ARHGEF6: variants seen among roughly 807,000 people sequenced by gnomAD.
ARHGEF6 encodes the protein rho guanine nucleotide exchange factor 6.
A neutral mutation model predicts 70.3 loss-of-function variants in ARHGEF6; 9 were observed. The observed-to-expected ratio is 0.13, with a 90% CI of 0.08 to 0.22. The LOEUF (loss-of-function observed/expected upper bound fraction) is 0.22, where lower values mean the gene tolerates loss of function less well. Ranked by LOEUF, ARHGEF6 falls within the 10% of genes least tolerant of loss-of-function variation. The probability of loss-of-function intolerance (pLI) is 1.00; values close to 1 mark genes in which losing one functional copy is unlikely to be tolerated. For missense variants in ARHGEF6, 470 were observed against 563.0 expected (o/e 0.83, Z 1.67); for synonymous variants, 201 against 207.8 (o/e 0.97, Z 0.28).
intron 2 of ARHGEF6, among the ~76,000 whole-genome samples, chrX:136,761,175 C>T (rs2077260253): frequency 8.9e-6 from 1 of 112,028 alleles, no homozygotes; most frequent in Non-Finnish European, 1.9e-5. Flanking sequence ...TAGTCCTGAG[C>T]TGTTATAAAG....
At chrX:136,669,456 G>A (rs1054048479) in intron 21 of ARHGEF6, 26 bp downstream of exon 21, 2 of 1,191,926 alleles carry the variant, frequency 1.7e-6, no homozygotes, top group Non-Finnish European at 2.3e-6. Context: ...TCTATTACCC[G>A]AGAAAATGAT....
chrX:136,695,358 A>C (rs902525382), intron 9 of ARHGEF6, among the ~76,000 whole-genome samples: 2 of 112,735 alleles, frequency 1.8e-5, no homozygotes, highest in Non-Finnish European at 3.7e-5. Flanking sequence ...AACACCGTTA[A>C]CTAAAATTAA....
intron 6 of ARHGEF6, among the ~76,000 whole-genome samples, chrX:136,725,871 C>T (rs1353153111): frequency 8.9e-6 from 1 of 112,168 alleles, no homozygotes; most frequent in East Asian, 2.8e-4. Flanking sequence ...GAGGCTTTTG[C>T]TACCACCATC....
chrX:136,666,267 A>C lies in ARHGEF6; in HGVS notation c.*1762T>G, dbSNP rs1403035338. 8.9e-6 allele frequency: 1 copy of C among 112,774 alleles called. No individual in the cohort carries two copies. Among genetic ancestry groups the C allele is most frequent in the Non-Finnish European group, 1.9e-5 (1 of 53,363 alleles). The allele number at this position is 112,774 out of a possible 1,213,427, so 9.3% of individuals were successfully genotyped here. A position where few individuals can be genotyped will look rare whatever the true frequency, so the allele number is the denominator to read the frequency against. On this transcript the variant is annotated 3_prime_UTR_variant, in exon 22 of 22. Coordinates refer to ENST00000250617, the MANE Select transcript of ARHGEF6 (RefSeq NM_004840.3). ...ATTTCTGCTGTGCAGCAAGCAGACA[A>C]CAGCCCTGTACCATGTAGCTATGGG...
chrX:136,709,871 CAGA>C (rs2076665829), intron 7 of ARHGEF6, among the ~76,000 whole-genome samples: 1 of 112,005 alleles, frequency 8.9e-6, no homozygotes. Flanking sequence ...GAGGCTGAGG[CAGA>C]AGAATTGCTT....
chrX:136,766,392 T>G lies in ARHGEF6; in HGVS notation c.249+13022A>C, dbSNP rs200104568. Reference sequence around the variant, plus strand: ...TTATCCTATTTTGTGAGGTTTTTTTTGGGGGGGGGTTATGCAAAGTTTTTA... The same window carrying G: ...TTATCCTATTTTGTGAGGTTTTTTTGGGGGGGGGGTTATGCAAAGTTTTTA... On this transcript the variant is annotated intron_variant, in intron 2 of 21. Coordinates refer to ENST00000250617, the MANE Select transcript of ARHGEF6 (RefSeq NM_004840.3). Among the ~76,000 whole-genome samples the G allele has an allele frequency of 9.9e-3, 1,025 of 103,833 alleles. 4 individuals are homozygous for G. Among genetic ancestry groups the G allele is most frequent in the African/African-American group, 0.018 (506 of 28,317 alleles). 90.2% of individuals were successfully genotyped at this position (103,833 alleles called of 115,157 possible).
intron 2 of ARHGEF6, among the ~76,000 whole-genome samples, chrX:136,763,458 T>C (rs959780752): frequency 6.2e-5 from 7 of 112,269 alleles, no homozygotes; most frequent in Non-Finnish European, 7.5e-5. Flanking sequence ...AGTCATTCTA[T>C]CAATCTTTCA....
chrX:136,743,307 A>G (rs1276957184), intron 5 of ARHGEF6, among the ~76,000 whole-genome samples: 3 of 112,347 alleles, frequency 2.7e-5, no homozygotes, highest in Non-Finnish European at 3.8e-5. Flanking sequence ...GGCTAGAATT[A>G]GTAGACATAA....
chrX:136,726,244 G>A (rs1414667260), intron 6 of ARHGEF6, among the ~76,000 whole-genome samples: 3 of 111,499 alleles, frequency 2.7e-5, no homozygotes, highest in African/African-American at 9.8e-5. Flanking sequence ...CGCCTGCAGT[G>A]ATTGATTCTG....
At chrX:136,709,442 A>G (rs2076661293) in intron 7 of ARHGEF6, among the ~76,000 whole-genome samples, 1 of 112,685 alleles carries the variant, frequency 8.9e-6, no homozygotes, top group Admixed American at 9.4e-5. Context: ...AGCATTTTAC[A>G]ATTAAAACCT....
chrX:136,693,014 T>C (rs927611232), intron 9 of ARHGEF6, among the ~76,000 whole-genome samples: 2 of 111,970 alleles, frequency 1.8e-5, no homozygotes. Context: ...ATAACTCGGG[T>C]TTGGAGTGCA....
intron 2 of ARHGEF6, among the ~76,000 whole-genome samples, chrX:136,751,755 T>C (rs2077153752): frequency 3.6e-5 from 4 of 111,697 alleles, no homozygotes. Flanking sequence ...ACTAAATATG[T>C]CTTGATCTTG....
intron 2 of ARHGEF6, among the ~76,000 whole-genome samples, chrX:136,763,622 C>G (rs922022545): frequency 1.8e-5 from 2 of 111,670 alleles, no homozygotes; most frequent in African/African-American, 6.5e-5. Flanking sequence ...GTCAGGAGTT[C>G]AAGACCAGCC....
intron 5 of ARHGEF6, among the ~76,000 whole-genome samples, chrX:136,734,594 A>G (rs1176549206): frequency 1.8e-5 from 2 of 111,997 alleles, no homozygotes; most frequent in Non-Finnish European, 3.8e-5. Context: ...ATCAATACTA[A>G]TTCCATATAA....
chrX:136,767,136 C>T, intron 2 of ARHGEF6: 1 of 755,323 alleles, frequency 1.3e-6, no homozygotes, highest in Non-Finnish European at 1.6e-6. Context: ...TGCCCCCAGG[C>T]AGGTCACCTG....
rs765154485 is a variant in ARHGEF6, at chrX:136,675,013, C to T, written c.2029G>A (p.Gly677Ser). 5 of 1,208,345 alleles carry T rather than the reference C, an allele frequency of 4.1e-6. No homozygotes were observed. The highest frequency in any genetic ancestry group is 1.8e-5 in the African/African-American group (1 of 57,139). Residue 677 changes from glycine (G) to serine (S), a missense_variant, in exon 19 of 22, where the codon GGC becomes AGC. By Grantham distance (56) the Gly-to-Ser change is moderately conservative. This residue lies in a region of ARHGEF6 where 88 missense variants were observed against 95.5 expected (regional missense o/e 0.92). Coordinates refer to ENST00000250617, the MANE Select transcript of ARHGEF6 (RefSeq NM_004840.3). ...CTSANFQQGH[G>S]SSTRKDSIPQ... The stretch of plus-strand genomic sequence containing the variant: ...GTAGTTTGGGGGAACCTACTTGAGC[C>T]ATGGCCTTGTTGAAAATTTGCGCTG...
At position 136,743,682 on chromosome X, in the gene ARHGEF6, G is replaced by A. The variant is rs1458824176; in HGVS notation, c.564C>T (p.Tyr188=). Residue 188 remains tyrosine, a synonymous_variant, in exon 5 of 22, where the codon TAC becomes TAT. Transcript: ENST00000250617. ...ELSVCKGDII[Y]VTRVEEGGWW... ...AGCCTCCTTCTTCAACTCGTGTGAC[G>A]TAAATGATGTCCCCCTTACAAACTG... 6.6e-6 allele frequency: 8 copies of A among 1,209,617 alleles called. No individual in the cohort carries two copies. Among genetic ancestry groups the A allele is most frequent in the South Asian group, 3.5e-5 (2 of 56,837 alleles).
In ARHGEF6 at chrX:136,701,375, C is replaced by T. The variant is rs187444993; in HGVS notation, c.1046+5533G>A. Among the ~76,000 whole-genome samples the T allele has an allele frequency of 9.9e-5, 11 of 111,478 alleles. No individual in the cohort carries two copies. In the East Asian group the frequency reaches 3.1e-3, roughly 31 times the overall value. ...GCAACGAGAAAATCTTGAAAGAAGC[C>T]AGACAGGGAAAAACACCTTACCTGT... is the stretch of plus-strand genomic sequence containing the variant. On this transcript the variant is annotated intron_variant, in intron 9 of 21. Coordinates refer to ENST00000250617, the MANE Select transcript of ARHGEF6 (RefSeq NM_004840.3).
intron 9 of ARHGEF6, among the ~76,000 whole-genome samples, chrX:136,701,936 T>G (rs767568762): frequency 5.4e-5 from 6 of 110,515 alleles, no homozygotes; most frequent in African/African-American, 1.6e-4. Context: ...CTCGATCTCC[T>G]GACCTCGTGA....
Sources: allele counts gnomAD v4.1 joint callset (sites outside exome capture counted in the v4.1 genomes callset), GRCh38; gene constraint gnomAD v4.1.1; regional missense constraint gnomAD v4.1.1; transcripts MANE v1.5; gene names NCBI Gene and HGNC (gene_info 2026-07-23, HGNC 2026-07-21).